Variants in KIAA0825 observed in about 807,000 individuals in gnomAD.
KIAA0825 encodes uncharacterized protein KIAA0825.
Under a neutral mutation model 147.6 loss-of-function variants are expected in KIAA0825, and 119 were observed. The ratio of observed to expected loss-of-function variants is 0.81; its 90% CI spans 0.69 to 0.94. The LOEUF is 0.94. Ranked by LOEUF, KIAA0825 falls within the 40% of genes least tolerant of loss-of-function variation. KIAA0825 has a pLI of 0.00. For missense variants in KIAA0825, 1,381 were observed against 1,472.7 expected, an observed-to-expected ratio of 0.94 and a Z score of 1.02; for synonymous variants, 470 against 518.1, an observed-to-expected ratio of 0.91 and a Z score of 1.26.
At chr5:94,580,881 A>C (rs1782017170) in intron 2 of KIAA0825, among the ~76,000 whole-genome samples, 1 of 19,784 alleles carries the variant, frequency 5.1e-5, no homozygotes, top group Admixed American at 4.1e-4. Flanking sequence ...GTCTCAAAAA[A>C]AAAAAAAAAA....
chr5:94,357,887 T>C (rs1744505165), intron 20 of KIAA0825, among the ~76,000 whole-genome samples: 1 of 150,880 alleles, frequency 6.6e-6, no homozygotes, highest in Non-Finnish European at 1.5e-5. Flanking sequence ...AGTTTTGTCA[T>C]AACCTGCCAA....
chr5:94,434,318 G>A (rs1035848548), intron 14 of KIAA0825, among the ~76,000 whole-genome samples: 2 of 152,122 alleles, frequency 1.3e-5, no homozygotes, highest in Non-Finnish European at 2.9e-5. Flanking sequence ...AAAGTTTGCA[G>A]CCTATGAAGC....
At chr5:94,498,873 C>A (rs1764694406) in intron 5 of KIAA0825, among the ~76,000 whole-genome samples, 1 of 152,274 alleles carries the variant, frequency 6.6e-6, no homozygotes, top group Admixed American at 6.5e-5. Flanking sequence ...TGAAGTTTTT[C>A]TAGCTTGCCC....
At chr5:94,442,277 G>GT (rs1464948163) in intron 13 of KIAA0825, among the ~76,000 whole-genome samples, 1 of 152,174 alleles carries the variant, frequency 6.6e-6, no homozygotes, top group Non-Finnish European at 1.5e-5. Context: ...CCATCAGCTT[G>GT]TGTTTCAACC....
At chr5:94,282,606 A>C (rs946344646) in intron 20 of KIAA0825, among the ~76,000 whole-genome samples, 1 of 152,122 alleles carries the variant, frequency 6.6e-6, no homozygotes, top group African/African-American at 2.4e-5. Flanking sequence ...TCTTGATATG[A>C]AATATTGAAA....
intron 4 of KIAA0825, 107 bp from the exon 5 acceptor site, chr5:94,521,024 A>G: frequency 1.0e-6 from 1 of 973,228 alleles, no homozygotes; most frequent in Non-Finnish European, 1.5e-6. Flanking sequence ...AATACTCTAA[A>G]ATTCCTTAAG....
At chr5:94,490,515 G>C (rs1380380517) in intron 5 of KIAA0825, among the ~76,000 whole-genome samples, 2 of 152,020 alleles carry the variant, frequency 1.3e-5, no homozygotes, top group Admixed American at 1.3e-4. Context: ...CTGGGAACTT[G>C]ATAGAGTATA....
chr5:94,567,270 G>A (rs1778872831), intron 2 of KIAA0825, among the ~76,000 whole-genome samples: 1 of 152,096 alleles, frequency 6.6e-6, no homozygotes, highest in South Asian at 2.1e-4. Flanking sequence ...CTTAACATAA[G>A]CTGAATATTT....
chr5:94,487,828 C>T (rs1447424046), intron 5 of KIAA0825, among the ~76,000 whole-genome samples: 1 of 152,172 alleles, frequency 6.6e-6, no homozygotes, highest in Non-Finnish European at 1.5e-5. Context: ...GTGGCGTGAG[C>T]CTGTAGTTCC....
intron 2 of KIAA0825, 78 bp downstream of exon 2, chr5:94,582,355 T>C (rs890304652): frequency 5.9e-5 from 9 of 152,152 alleles, no homozygotes; most frequent in African/African-American, 2.2e-4. Context: ...GCCAAAGGAA[T>C]AGAATTATAG....
At chr5:94,393,771 T>TC (rs2150571149) in intron 17 of KIAA0825, among the ~76,000 whole-genome samples, 1 of 152,276 alleles carries the variant, frequency 6.6e-6, no homozygotes, top group East Asian at 1.9e-4. Context: ...TGACCACTGA[T>TC]TAGTGAGAAG....
chr5:94,453,267 G>T (rs1444863356), intron 12 of KIAA0825, among the ~76,000 whole-genome samples, 198 bp from the exon 13 acceptor site: 2 of 151,978 alleles, frequency 1.3e-5, no homozygotes, highest in Non-Finnish European at 2.9e-5. Flanking sequence ...CTGCCTCCCA[G>T]GGTCAAGCGA....
intron 20 of KIAA0825, among the ~76,000 whole-genome samples, chr5:94,169,123 G>C (rs1056363957): frequency 1.3e-5 from 2 of 152,114 alleles, no homozygotes; most frequent in Non-Finnish European, 2.9e-5. Flanking sequence ...ACCTCTTCTG[G>C]AAATGAGAAT....
chr5:94,434,708 T>A (rs1362597716), intron 14 of KIAA0825, among the ~76,000 whole-genome samples: 1 of 152,082 alleles, frequency 6.6e-6, no homozygotes, highest in African/African-American at 2.4e-5. Context: ...GGTGAAAGGG[T>A]GGAAGGCAGA....
intron 20 of KIAA0825, among the ~76,000 whole-genome samples, chr5:94,329,083 G>A (rs1224483423): frequency 2.6e-5 from 4 of 151,798 alleles, no homozygotes; most frequent in African/African-American, 7.3e-5. Context: ...TAAACCCAAA[G>A]AAATGGAAAT....
At chr5:94,469,827 A>G (rs1760999992) in intron 10 of KIAA0825, 134 bp downstream of exon 10, 2 of 678,204 alleles carry the variant, frequency 2.9e-6, no homozygotes, top group African/African-American at 1.8e-5. Context: ...TATGAATTCA[A>G]TATTTTAAAA....
intron 14 of KIAA0825, among the ~76,000 whole-genome samples, chr5:94,418,987 C>T (rs1208959562): frequency 6.6e-6 from 1 of 152,050 alleles, no homozygotes; most frequent in Non-Finnish European, 1.5e-5. Context: ...AAGTGATTCT[C>T]CACCAACAGC....
chr5:94,154,015 C>T lies in KIAA0825; in HGVS notation c.3820G>A (p.Glu1274Lys). 7 of 1,548,596 alleles carry T rather than the reference C, an allele frequency of 4.5e-6. No homozygotes were observed. The highest frequency in any genetic ancestry group is 5.2e-6 in the Non-Finnish European group (6 of 1,144,258). Residue 1274 changes from glutamate (E) to lysine (K), a missense_variant, in exon 21 of 21, where the codon GAA becomes AAA. By Grantham distance (56) the Glu-to-Lys change is moderately conservative. Coordinates refer to ENST00000682413, the MANE Select transcript of KIAA0825 (RefSeq NM_001145678.3). ...TTGCTGTTTTCTGCAGATTACTGTT[C>T]CTCTATGTTATCTGAGGCAGAAGAG... ...QNSSASDNIE[E>K]Q is the part of the protein sequence containing the mutation.
At chr5:94,529,222 TGTATCATATATATGTATATATA>T (rs1422489139) in intron 3 of KIAA0825, among the ~76,000 whole-genome samples, 5 of 128,824 alleles carry the variant, frequency 3.9e-5, no homozygotes, top group African/African-American at 1.6e-4. Context: ...TATATATGTA[TGTATCATATATATGTATATATA>T]CATATATATG....
Sources: allele counts gnomAD v4.1 joint callset (sites outside exome capture counted in the v4.1 genomes callset), GRCh38; gene constraint gnomAD v4.1.1; transcripts MANE v1.5; gene names NCBI Gene and HGNC (gene_info 2026-07-23, HGNC 2026-07-21).